Variants in PRKN observed in about 807,000 individuals in gnomAD.
The protein encoded by PRKN is parkin RBR E3 ubiquitin protein ligase.
PRKN carries 56 observed loss-of-function variants against 59.5 expected under a neutral mutation model. The ratio of observed to expected loss-of-function variants is 0.94; its 90% confidence interval spans 0.76 to 1.18. PRKN has a LOEUF of 1.18. Ranked by LOEUF, PRKN falls within the 50% of genes most tolerant of loss-of-function variation. The pLI is 0.00. For missense variants in PRKN, 657 were observed against 596.4 expected (o/e 1.10, Z -1.06); for synonymous variants, 250 against 222.1 (o/e 1.13, Z -1.12).
intron 1 of PRKN, among the ~76,000 whole-genome samples, chr6:162,647,700 C>A (rs1035718791): frequency 3.3e-5 from 5 of 151,936 alleles, no homozygotes; most frequent in Non-Finnish European, 7.4e-5. Context: ...ATTAAGAAAG[C>A]ATGCCAGAGT....
chr6:161,507,057 T>C (rs1404615624), intron 9 of PRKN, among the ~76,000 whole-genome samples: 1 of 152,218 alleles, frequency 6.6e-6, no homozygotes, highest in African/African-American at 2.4e-5. Context: ...CATGAGTGCA[T>C]GTTTCAGGGA....
At chr6:161,754,728 A>T (rs1788841566) in intron 7 of PRKN, among the ~76,000 whole-genome samples, 1 of 152,202 alleles carries the variant, frequency 6.6e-6, no homozygotes, top group Non-Finnish European at 1.5e-5. Flanking sequence ...GTGTAAACGA[A>T]TATTCAATAT....
At position 161,399,057 on chromosome 6, in the gene PRKN, A is replaced by G. The variant is rs1349228040; in HGVS notation, c.1084-12180T>C. ...GGCTCCATGAGCAGAAGAGCAGCAG[A>G]GGAGAGAAGAGAAGGAATATCTGAA... On this transcript the variant is annotated intron_variant, in intron 9 of 11. Transcript: ENST00000366898. The surrounding 1 kb of genome is among the most constrained non-coding windows in gnomAD (Gnocchi z 4.4). Among the ~76,000 whole-genome samples, 1 of 152,126 alleles carries G rather than the reference A, an allele frequency of 6.6e-6. No individual in the cohort carries two copies. Among genetic ancestry groups the G allele is most frequent in the Non-Finnish European group, 1.5e-5 (1 of 68,018 alleles).
At chr6:162,264,584 C>G (rs961637444) in intron 2 of PRKN, among the ~76,000 whole-genome samples, 1 of 152,044 alleles carries the variant, frequency 6.6e-6, no homozygotes, top group Non-Finnish European at 1.5e-5. Flanking sequence ...ATTCCAACCT[C>G]TTCTCTACTC....
chr6:162,099,116 T>C (rs1779864146), intron 4 of PRKN, among the ~76,000 whole-genome samples: 1 of 152,160 alleles, frequency 6.6e-6, no homozygotes, highest in Non-Finnish European at 1.5e-5. Context: ...CCAGCATACA[T>C]TTTTCCATGC....
At chr6:162,581,105 C>A (rs1780773336) in intron 1 of PRKN, among the ~76,000 whole-genome samples, 2 of 152,038 alleles carry the variant, frequency 1.3e-5, no homozygotes, top group South Asian at 4.1e-4. Flanking sequence ...GATGCTGTCA[C>A]AAGGCTAATA....
rs1430279667 is a variant in PRKN at position 161,680,422 on chromosome 6, TG to T, written c.871+105349del. On this transcript the variant is annotated intron_variant, in intron 7 of 11. Transcript: ENST00000366898. ...GCGTGTGGTGGTGACATCCTGTGAA[TG>T]GCCGAGTTCTGAGGCCGTCCTCGAG... Among the ~76,000 whole-genome samples, 13 of 152,198 alleles carry T rather than the reference TG, an allele frequency of 8.5e-5. 1 individual carries two copies. The highest frequency in any genetic ancestry group is 3.1e-4 in the African/African-American group (13 of 41,540).
intron 6 of PRKN, among the ~76,000 whole-genome samples, chr6:161,971,870 G>C: frequency 6.6e-6 from 1 of 152,186 alleles, no homozygotes; most frequent in Non-Finnish European, 1.5e-5. Flanking sequence ...CCAAAAGCCA[G>C]AGAGAGACAA....
rs760088432 is a variant in PRKN at position 162,460,148 on chromosome 6, G to A, written c.8-16675C>T. On this transcript the variant is annotated intron_variant, in intron 1 of 11. Coordinates refer to ENST00000366898, the MANE Select transcript of PRKN (RefSeq NM_004562.3). ...ATCAATTAACCAATGATATATGCAT[G>A]TGTTTGTTGTATCCATACATTGGAA... Among the ~76,000 whole-genome samples, 7 of 152,208 alleles carry A rather than the reference G, an allele frequency of 4.6e-5. No individual in the cohort carries two copies. The East Asian group carries it at 5.8e-4, about 13-fold the overall frequency.
chr6:161,538,994 GCTT>G lies in PRKN; in HGVS notation c.1083+9857_1083+9859del, dbSNP rs2115404055. 6.6e-6 allele frequency among the ~76,000 whole-genome samples: 1 copy of G among 152,278 alleles called. No individual in the cohort carries two copies. Among genetic ancestry groups the G allele is most frequent in the Middle Eastern group, 3.4e-3 (1 of 294 alleles). On this transcript the variant is annotated intron_variant, in intron 9 of 11. Transcript: ENST00000366898. The surrounding 1 kb of genome is among the most constrained non-coding windows in gnomAD (Gnocchi z 4.2). ...TTCGTGTGAAGAGTGAGGGCGTGCT[GCTT>G]CTTCATCATGCCATGAGGCTAACAT...
intron 1 of PRKN, among the ~76,000 whole-genome samples, chr6:162,507,185 T>C (rs1793648808): frequency 2.0e-5 from 3 of 152,148 alleles, no homozygotes; most frequent in African/African-American, 7.2e-5. Context: ...TGCTATGATT[T>C]CTCACCCAGA....
At chr6:161,756,233 G>C (rs1022974729) in intron 7 of PRKN, among the ~76,000 whole-genome samples, 1 of 151,972 alleles carries the variant, frequency 6.6e-6, no homozygotes, top group Non-Finnish European at 1.5e-5. Flanking sequence ...CTTGATGTCA[G>C]GAGTTCGAGA....
Position 161,550,723 on chromosome 6 carries a change from A to ACG in PRKN, c.934-1721_934-1720insCG, listed in dbSNP as rs1779974615. On this transcript the variant is annotated intron_variant, in intron 8 of 11. Coordinates refer to ENST00000366898, the MANE Select transcript of PRKN (RefSeq NM_004562.3). This position sits in a 1 kb window ranked among gnomAD's most constrained non-coding sequence, Gnocchi z 4.0. ...GGACAACTGTGGTAGAAGAAAGGGT[A>ACG]TGTGTGTGTGTGCACGTGTGTGTGT... Among the ~76,000 whole-genome samples, 3 of 119,350 alleles carry ACG rather than the reference A, an allele frequency of 2.5e-5. 1 individual carries two copies. The highest frequency in any genetic ancestry group is 3.7e-5 in the Non-Finnish European group (2 of 53,638). The allele number at this position is 119,350 out of a possible 152,430, so 78.3% of individuals were successfully genotyped here.
At chr6:162,028,445 T>G (rs1177175793) in intron 5 of PRKN, among the ~76,000 whole-genome samples, 1 of 152,200 alleles carries the variant, frequency 6.6e-6, no homozygotes, top group Non-Finnish European at 1.5e-5. Context: ...GCATCTTTGC[T>G]GGTTCTATCT....
chr6:162,596,762 C>T (rs1313961287), intron 1 of PRKN, among the ~76,000 whole-genome samples: 1 of 152,068 alleles, frequency 6.6e-6, no homozygotes, highest in African/African-American at 2.4e-5. Context: ...TATTGAGAGG[C>T]ATGGTTTTAA....
At chr6:161,902,032 T>C (rs554434737) in intron 6 of PRKN, among the ~76,000 whole-genome samples, 6 of 152,300 alleles carry the variant, frequency 3.9e-5, no homozygotes, top group African/African-American at 1.2e-4. Flanking sequence ...AATGGTACTT[T>C]CTTCCCAAAC....
At chr6:161,733,802 A>ATATATATATATG (rs1787843456) in intron 7 of PRKN, among the ~76,000 whole-genome samples, 2 of 118,840 alleles carry the variant, frequency 1.7e-5, no homozygotes, top group African/African-American at 9.3e-5. Context: ...ATATATGTAT[A>ATATATATATATG]TATATATATA....
intron 4 of PRKN, among the ~76,000 whole-genome samples, chr6:162,155,181 C>G (rs1219789573): frequency 6.6e-6 from 1 of 151,684 alleles, no homozygotes; most frequent in Non-Finnish European, 1.5e-5. Context: ...GAACAAAATG[C>G]AGCATTTGGT....
chr6:162,357,301 T>C (rs187944544), intron 2 of PRKN, among the ~76,000 whole-genome samples: 1 of 152,260 alleles, frequency 6.6e-6, no homozygotes, highest in Admixed American at 6.5e-5. Context: ...GACCCATTTT[T>C]AAATGGTCAA....
Sources: allele counts gnomAD v4.1 joint callset (sites outside exome capture counted in the v4.1 genomes callset), GRCh38; gene constraint gnomAD v4.1.1; non-coding constraint Gnocchi (gnomAD v3.1); transcripts MANE v1.5; gene names NCBI Gene and HGNC (gene_info 2026-07-23, HGNC 2026-07-21).